The following TEX15 variants were observed in gnomAD, a reference collection of about 807,000 sequenced individuals.
TEX15 encodes testis-expressed protein 15.
A neutral mutation model predicts 237.3 loss-of-function variants in TEX15; 171 were observed. The observed-to-expected ratio is 0.72, with a 90% CI of 0.64 to 0.82. TEX15 has a LOEUF of 0.82. Among genes scored for constraint, TEX15 ranks in the 40% least tolerant of loss-of-function variants. The probability of loss-of-function intolerance (pLI) is 0.00; values close to 1 mark genes in which losing one functional copy is unlikely to be tolerated. For synonymous variants in TEX15, 1,338 were observed against 1,269.8 expected, an observed-to-expected ratio of 1.05 and a Z score of -1.14; for missense variants, 3,750 against 3,646.5, an observed-to-expected ratio of 1.03 and a Z score of -0.73.
At chr8:30,888,272 A>G (rs1411608820) in intron 2 of TEX15, among the ~76,000 whole-genome samples, 1 of 152,164 alleles carries the variant, frequency 6.6e-6, no homozygotes, top group Non-Finnish European at 1.5e-5. Context: ...GACTAAAACG[A>G]TACTCTCTTT....
chr8:30,859,937 T>A lies in TEX15; in HGVS notation c.661A>T (p.Ile221Phe), dbSNP rs1808005983. 6.6e-7 allele frequency: 1 copy of A among 1,505,156 alleles called. No homozygotes were observed. The highest frequency in any genetic ancestry group is 8.8e-7 in the Non-Finnish European group (1 of 1,136,778). The allele number at this position is 1,505,156 out of a possible 1,614,324, so 93.2% of individuals were successfully genotyped here. The change falls in exon 6 of 11, where the codon ATT (isoleucine) becomes TTT (phenylalanine). Residue 221 changes from isoleucine to phenylalanine, a missense_variant. Coordinates refer to ENST00000643185, the MANE Select transcript of TEX15 (RefSeq NM_001350162.2). ...SRNAPSLKDT[I>F]ELQAYSSAVY... ...GCTGAACTGTAGGCTTGCAGTTCAATGGTATCTTTCAAAGAAGGTGCATTT... is the reference window on the plus strand; with the variant it reads ...GCTGAACTGTAGGCTTGCAGTTCAAAGGTATCTTTCAAAGAAGGTGCATTT...
Position 30,845,451 on chromosome 8 carries a change from ATTTTCT to A in TEX15, c.4710_4715del (p.Lys1570_Glu1571del), listed in dbSNP as rs781326550. Reference sequence around the variant, plus strand: ...TAGATAAAAATGCTGTATCAATTTGATTTTCTTTTTCTATTAGTTTCTCATCTGAGT... The same window carrying A: ...TAGATAAAAATGCTGTATCAATTTGATTTTCTATTAGTTTCTCATCTGAGT... On this transcript the variant is annotated inframe_deletion, in exon 8 of 11. Coordinates refer to ENST00000643185, the MANE Select transcript of TEX15 (RefSeq NM_001350162.2). 6 of 1,612,646 alleles carry A rather than the reference ATTTTCT, an allele frequency of 3.7e-6. No homozygotes were observed. In the African/African-American group the frequency reaches 4.0e-5, roughly 11 times the overall value.
At chr8:30,908,341 T>A (rs1047142753) in intron 1 of TEX15, among the ~76,000 whole-genome samples, 2 of 152,214 alleles carry the variant, frequency 1.3e-5, no homozygotes, top group African/African-American at 4.8e-5. Flanking sequence ...ATTACAGGTG[T>A]GAGCCACTGT....
At chr8:30,906,734 T>C (rs1809109966) in intron 1 of TEX15, among the ~76,000 whole-genome samples, 1 of 151,764 alleles carries the variant, frequency 6.6e-6, no homozygotes, top group South Asian at 2.1e-4. Flanking sequence ...GAAAGACCCA[T>C]GAAAAAGACA....
rs747792739 is a variant in TEX15 at position 30,844,736 on chromosome 8, C to G, written c.5431G>C (p.Glu1811Gln). The change falls in exon 8 of 11, where the codon GAA becomes CAA. Residue 1811 changes from glutamate to glutamine, a missense_variant. Glu to Gln is a conservative substitution (Grantham distance 29, BLOSUM62 2). Coordinates refer to ENST00000643185, the MANE Select transcript of TEX15 (RefSeq NM_001350162.2). ...EDKSYGENIV[E>Q]LSSSDSSLLL... Reference sequence around the variant, plus strand: ...AGAGAACTATCACTGGAAGATAATTCCACTATATTTTCCCCATAACTTTTA... The same window carrying G: ...AGAGAACTATCACTGGAAGATAATTGCACTATATTTTCCCCATAACTTTTA... 1 of 1,613,150 alleles carries G rather than the reference C, an allele frequency of 6.2e-7. No individual in the cohort carries two copies. The highest frequency in any genetic ancestry group is 8.5e-7 in the Non-Finnish European group (1 of 1,179,546).
intron 7 of TEX15, among the ~76,000 whole-genome samples, chr8:30,849,770 G>C (rs996442637): frequency 6.6e-6 from 1 of 151,750 alleles, no homozygotes; most frequent in African/African-American, 2.4e-5. Context: ...GTGGTGGTGG[G>C]CACCTGTAAT....
chr8:30,865,176 G>T (rs2128771417), intron 5 of TEX15, among the ~76,000 whole-genome samples: 1 of 152,108 alleles, frequency 6.6e-6, no homozygotes, highest in East Asian at 1.9e-4. Flanking sequence ...GATTGTTAGA[G>T]ACTAGTATGA....
intron 1 of TEX15, among the ~76,000 whole-genome samples, chr8:30,905,188 C>T (rs886084398): frequency 6.6e-6 from 1 of 151,018 alleles, no homozygotes; most frequent in Admixed American, 6.6e-5. Context: ...ACTGTTTGAT[C>T]GTGCAATGTC....
chr8:30,860,132 T>G (rs766599158), intron 5 of TEX15, 75 bp from the exon 6 acceptor site: 102 of 1,247,178 alleles, frequency 8.2e-5, no homozygotes, highest in Non-Finnish European at 1.1e-4. Context: ...ATTTCAAACA[T>G]AAAAGGCTAA....
rs773264729 is a variant in TEX15 at position 30,844,371 on chromosome 8, T to C, written c.5796A>G (p.Lys1932=). 4 of 1,609,834 alleles carry C rather than the reference T, an allele frequency of 2.5e-6. No individual in the cohort carries two copies. Among genetic ancestry groups the C allele is most frequent in the Admixed American group, 3.4e-5 (2 of 59,324 alleles). The change falls in exon 8 of 11, where the codon AAA becomes AAG. Residue 1932 remains lysine, a synonymous_variant. Coordinates refer to ENST00000643185, the MANE Select transcript of TEX15 (RefSeq NM_001350162.2). ...REKKGEIKVS[K]DSQSDLTLHS... ...GTAATGTCAAGTCAGACTGCGAGTC[T>C]TTACTAACTTTAATTTCCCCCTTCT...
rs2128767998 is a variant in TEX15, at chr8:30,846,634, T to C, written c.3533A>G (p.Lys1178Arg). ...FSPTADSLAL[K>R]DSFCTHVTEA... ...AGTTACATGTGTGCAAAAACTATCT[T>C]TCAATGCAAGGGAGTCAGCTGTCGG... is the stretch of plus-strand genomic sequence containing the variant. The change falls in exon 8 of 11, where the codon AAA (lysine) becomes AGA (arginine). Residue 1178 changes from lysine (K) to arginine (R), a missense_variant. Lys to Arg is a conservative substitution (Grantham distance 26). Transcript: ENST00000643185. 1 of 1,613,914 alleles carries C rather than the reference T, an allele frequency of 6.2e-7. No homozygotes were observed. Among genetic ancestry groups the C allele is most frequent in the East Asian group, 2.2e-5 (1 of 44,878 alleles).
In TEX15 at chr8:30,843,472, G is replaced by A. The variant is rs746920043; in HGVS notation, c.6695C>T (p.Pro2232Leu). Reference sequence around the variant, plus strand: ...AATCCACAGATGGTCCTGTTTTCCTGGATACGAATGAACTTTAGGAGAGTC... The same window carrying A: ...AATCCACAGATGGTCCTGTTTTCCTAGATACGAATGAACTTTAGGAGAGTC... ...CGDSPKVHSY[P>L]GKQDHLWIII... The change falls in exon 8 of 11, where the codon CCA (proline) becomes CTA (leucine). Residue 2232 changes from proline (P) to leucine (L), a missense_variant. Physicochemically the swap from Pro to Leu is moderately conservative, Grantham distance 98. Transcript: ENST00000643185. 1.2e-6 allele frequency: 2 copies of A among 1,612,608 alleles called. No individual in the cohort carries two copies. Among genetic ancestry groups the A allele is most frequent in the East Asian group, 4.5e-5 (2 of 44,840 alleles).
chr8:30,912,748 G>C (rs1427008241), intron 1 of TEX15, 131 bp downstream of exon 1: 1 of 152,136 alleles, frequency 6.6e-6, no homozygotes, highest in African/African-American at 2.4e-5. Context: ...ATTTAATCGG[G>C]AAGCTCCGAG....
At chr8:30,867,594 CA>C in intron 4 of TEX15, 92 bp from the exon 5 acceptor site, 3 of 731,258 alleles carry the variant, frequency 4.1e-6, no homozygotes, top group Non-Finnish European at 6.8e-6. Flanking sequence ...AGTTAGAAAG[CA>C]AGAGAAGTAG....
chr8:30,853,003 T>C (rs1381968805), intron 7 of TEX15, among the ~76,000 whole-genome samples: 1 of 152,116 alleles, frequency 6.6e-6, no homozygotes, highest in Non-Finnish European at 1.5e-5. Flanking sequence ...TAGTGTAGTC[T>C]GGTGTACTCT....
intron 9 of TEX15, among the ~76,000 whole-genome samples, chr8:30,838,889 C>T (rs1807381053): frequency 6.8e-6 from 1 of 147,766 alleles, no homozygotes; most frequent in African/African-American, 2.5e-5. Context: ...CATCTCAGCT[C>T]ACTGCAACCT....
intron 3 of TEX15, among the ~76,000 whole-genome samples, chr8:30,882,904 TGGCACCACA>T (rs1440910484): frequency 6.6e-6 from 1 of 152,166 alleles, no homozygotes; most frequent in Non-Finnish European, 1.5e-5. Flanking sequence ...CCTGAGTAGC[TGGCACCACA>T]GGCACATGTC....
chr8:30,833,607 A>G (rs567392956), intron 10 of TEX15, among the ~76,000 whole-genome samples: 9 of 152,298 alleles, frequency 5.9e-5, no homozygotes, highest in African/African-American at 1.7e-4. Flanking sequence ...GGGCTCACTC[A>G]AGCACTGTCC....
chr8:30,902,594 T>C (rs1247684316), intron 1 of TEX15, among the ~76,000 whole-genome samples: 1 of 152,176 alleles, frequency 6.6e-6, no homozygotes, highest in African/African-American at 2.4e-5. Flanking sequence ...ACATGGGCAA[T>C]AAAATATTTA....
Sources: allele counts gnomAD v4.1 joint callset (sites outside exome capture counted in the v4.1 genomes callset), GRCh38; gene constraint gnomAD v4.1.1; transcripts MANE v1.5; gene names NCBI Gene and HGNC (gene_info 2026-07-23, HGNC 2026-07-21).